The following ADGRG2 variants were observed in gnomAD, a reference collection of about 807,000 sequenced individuals.
ADGRG2 encodes adhesion G protein-coupled receptor G2, also known as G protein-coupled receptor 64.
A neutral mutation model predicts 74.1 loss-of-function variants in ADGRG2; 26 were observed. That is an observed-to-expected ratio of 0.35 (90% confidence interval 0.26 to 0.49). The LOEUF (loss-of-function observed/expected upper bound fraction) is 0.49. Among genes scored for constraint, ADGRG2 ranks in the 20% least tolerant of loss-of-function variants. The pLI is 0.99. For synonymous variants in ADGRG2, 296 were observed against 295.2 expected (o/e 1.00, Z -0.03); for missense variants, 619 against 763.1 (o/e 0.81, Z 2.22).
At chrX:19,082,072 CAAAAAAA>C (rs57534658) in intron 2 of ADGRG2, among the ~76,000 whole-genome samples, 11 of 21,193 alleles carry the variant, frequency 5.2e-4, no homozygotes, top group Admixed American at 2.5e-3. Context: ...GACCCTGTCT[CAAAAAAA>C]AAAAAAAAAA....
chrX:19,027,483 T>C (rs2060729955), intron 10 of ADGRG2, among the ~76,000 whole-genome samples: 1 of 112,420 alleles, frequency 8.9e-6, no homozygotes, highest in African/African-American at 3.2e-5. Flanking sequence ...TAAAAGTTAA[T>C]CCATATTGGC....
rs2060344660 is a variant in ADGRG2 at position 19,010,954 on chromosome X, A to G, written c.1100-176T>C. 3.6e-5 allele frequency among the ~76,000 whole-genome samples: 4 copies of G among 112,334 alleles called. No individual in the cohort carries two copies. The Admixed American group carries it at 3.8e-4, about 11-fold the overall frequency. On this transcript the variant is annotated intron_variant, in intron 16 of 28. Coordinates refer to ENST00000379869, the MANE Select transcript of ADGRG2 (RefSeq NM_001079858.3). The stretch of plus-strand genomic sequence containing the variant: ...GAATGTTTATAGTGGCCTTTTTCAT[A>G]ATAGTCCCAAACTAGAAACAACCCG...
At chrX:19,007,086 T>C (rs1384641609) in intron 20 of ADGRG2, 149 bp downstream of exon 20, 1 of 515,308 alleles carries the variant, frequency 1.9e-6, no homozygotes, top group East Asian at 3.5e-5. Context: ...TAAAATCCAA[T>C]GGAGAGATGT....
At chrX:19,092,177 G>A (rs1218962992) in intron 1 of ADGRG2, among the ~76,000 whole-genome samples, 1 of 111,846 alleles carries the variant, frequency 8.9e-6, no homozygotes, top group African/African-American at 3.2e-5. Context: ...AGCCCTTGCA[G>A]CATCCCAGCA....
At chrX:19,118,118 T>C (rs1390414237) in intron 1 of ADGRG2, among the ~76,000 whole-genome samples, 1 of 111,572 alleles carries the variant, frequency 9.0e-6, no homozygotes, top group Non-Finnish European at 1.9e-5. Flanking sequence ...CTCAACATTA[T>C]CCTACAGGGA....
chrX:19,083,533 T>C (rs995185395), intron 1 of ADGRG2, among the ~76,000 whole-genome samples: 3 of 110,916 alleles, frequency 2.7e-5, no homozygotes, highest in Non-Finnish European at 5.7e-5. Context: ...TTTAGGTCTC[T>C]TGTGCCAGAG....
At chrX:19,120,138 G>A (rs2062587159) in intron 1 of ADGRG2, among the ~76,000 whole-genome samples, 1 of 111,236 alleles carries the variant, frequency 9.0e-6, no homozygotes, top group South Asian at 3.8e-4. Context: ...AAAGCAGAAG[G>A]GAATCCGATC....
At chrX:19,096,444 T>C (rs1041930567) in intron 1 of ADGRG2, among the ~76,000 whole-genome samples, 1 of 109,630 alleles carries the variant, frequency 9.1e-6, no homozygotes, top group African/African-American at 3.3e-5. Flanking sequence ...GTATTGCAGT[T>C]AGCAATAGGT....
At chrX:19,045,267 T>C (rs1357677392) in intron 3 of ADGRG2, among the ~76,000 whole-genome samples, 2 of 105,968 alleles carry the variant, frequency 1.9e-5, no homozygotes, top group Non-Finnish European at 3.9e-5. Context: ...CTGTAGACCA[T>C]AATCGAATAC....
At chrX:19,039,925 G>A (rs143010577) in intron 4 of ADGRG2, among the ~76,000 whole-genome samples, 2,488 of 111,960 alleles carry the variant, frequency 0.022, 35 homozygotes, top group Middle Eastern at 0.037. Flanking sequence ...AATAACTGCT[G>A]AACTTAAGTA....
Position 19,068,770 on chromosome X carries a change from T to A in ADGRG2, c.65A>T (p.Lys22Met). The A allele has an allele frequency of 3.4e-6, 4 of 1,166,936 alleles. No individual in the cohort carries two copies. The highest frequency in any genetic ancestry group is 4.7e-6 in the Non-Finnish European group (4 of 858,516). Residue 22 changes from lysine to methionine, a missense_variant, in exon 3 of 29, where the codon AAG becomes ATG. Transcript: ENST00000379869. ...GRTEEVLLTFKIFLVIICLHV... is the reference protein window; with the variant it reads ...GRTEEVLLTFMIFLVIICLHV... ...AAGACAAATGATGACAAGGAATATC[T>A]TGAACGTCAGTAAAACTTCTTCAGT...
chrX:19,078,574 A>T (rs2061792136), intron 2 of ADGRG2, among the ~76,000 whole-genome samples: 2 of 111,152 alleles, frequency 1.8e-5, no homozygotes, highest in African/African-American at 6.5e-5. Context: ...AAAAAGATAA[A>T]AGAAAAAAGA....
intron 3 of ADGRG2, among the ~76,000 whole-genome samples, chrX:19,045,297 A>ATTATTATTATTG: frequency 1.0e-5 from 1 of 98,639 alleles, no homozygotes; most frequent in Admixed American, 1.1e-4. Flanking sequence ...GGGTGTTGTT[A>ATTATTATTATTG]TTATTATTAT....
At chrX:19,007,938 C>T in intron 19 of ADGRG2, 42 bp downstream of exon 19, 2 of 1,137,947 alleles carry the variant, frequency 1.8e-6, no homozygotes, top group Non-Finnish European at 2.4e-6. Flanking sequence ...GCCCTCATCT[C>T]CAAATAAAGC....
At chrX:19,023,205 C>T (rs1294775619) in intron 13 of ADGRG2, among the ~76,000 whole-genome samples, 2 of 111,662 alleles carry the variant, frequency 1.8e-5, no homozygotes, top group African/African-American at 6.5e-5. Flanking sequence ...CGATACTACA[C>T]ACTTCTCTGT....
At chrX:19,075,126 G>A (rs966752421) in intron 2 of ADGRG2, among the ~76,000 whole-genome samples, 1 of 109,845 alleles carries the variant, frequency 9.1e-6, no homozygotes, top group Non-Finnish European at 1.9e-5. Context: ...TGTTTGGAAT[G>A]ATAATGACTA....
chrX:19,055,573 G>A (rs1159293753), intron 3 of ADGRG2, among the ~76,000 whole-genome samples: 1 of 111,068 alleles, frequency 9.0e-6, no homozygotes, highest in Admixed American at 9.6e-5. Flanking sequence ...TTCCGTTATT[G>A]CAAAAAAATG....
chrX:19,118,523 C>T (rs1471616722), intron 1 of ADGRG2, among the ~76,000 whole-genome samples: 8 of 111,825 alleles, frequency 7.2e-5, no homozygotes, highest in African/African-American at 2.6e-4. Context: ...GTAGCAAGGA[C>T]TACAGGTGCA....
intron 1 of ADGRG2, among the ~76,000 whole-genome samples, chrX:19,104,199 G>A (rs1451524460): frequency 1.8e-5 from 2 of 110,730 alleles, no homozygotes; most frequent in Non-Finnish European, 3.8e-5. Context: ...AGGCTATGCA[G>A]AGAACCCACC....
Sources: gnomAD v4.1 joint callset for allele counts (sites outside exome capture counted in the v4.1 genomes callset) on GRCh38, gnomAD v4.1.1 for gene constraint, MANE v1.5 for transcripts, NCBI Gene and HGNC (gene_info 2026-07-23, HGNC 2026-07-21) for gene names.